Variants in PHYHD1 observed in about 807,000 individuals in gnomAD.
PHYHD1 encodes phytanoyl-CoA dioxygenase domain containing 1, also known as phytanoyl-CoA dioxygenase domain-containing protein 1.
Under a neutral mutation model 43.6 loss-of-function variants are expected in PHYHD1, and 42 were observed. The observed-to-expected ratio is 0.96, with a 90% CI of 0.75 to 1.25. The LOEUF is 1.25. Ranked by LOEUF, PHYHD1 falls within the 50% of genes most tolerant of loss-of-function variation. The pLI, the probability that PHYHD1 is intolerant of heterozygous loss-of-function variation, is 0.00. For missense variants in PHYHD1, 342 were observed against 370.8 expected (o/e 0.92, Z 0.64); for synonymous variants, 139 against 143.6 (o/e 0.97, Z 0.23).
At chr9:128,930,917 C>T (rs1284715065) in intron 4 of PHYHD1, among the ~76,000 whole-genome samples, 1 of 150,114 alleles carries the variant, frequency 6.7e-6, no homozygotes, top group African/African-American at 2.5e-5. Context: ...TCACTGCACT[C>T]CAGCCTGGGC....
intron 2 of PHYHD1, 86 bp downstream of exon 2, chr9:128,922,133 T>G: frequency 3.1e-5 from 18 of 575,296 alleles, no homozygotes; most frequent in East Asian, 6.6e-5. Flanking sequence ...AAATCCTGGA[T>G]TAGTTGTGGG....
At position 128,929,973 on chromosome 9, in the gene PHYHD1, CA is replaced by C. The variant is rs773392942; in HGVS notation, c.192+2791del. ...TGAAACCCTGTCTCTACAAAAAATA[CA>C]AAAAAAAAAAAAATTAGTCGTGGCC... On this transcript the variant is annotated intron_variant, in intron 4 of 12. Coordinates refer to ENST00000372592, the MANE Select transcript of PHYHD1 (RefSeq NM_001100876.2). 4.8e-3 allele frequency among the ~76,000 whole-genome samples: 612 copies of C among 127,230 alleles called. 1 individual carries two copies. The highest frequency in any genetic ancestry group is 0.016 in the South Asian group (63 of 4,020). The allele number at this position is 127,230 out of a possible 152,430, so 83.5% of individuals were successfully genotyped here.
intron 6 of PHYHD1, among the ~76,000 whole-genome samples, chr9:128,935,020 C>G (rs1206522805): frequency 6.6e-6 from 1 of 152,162 alleles, no homozygotes; most frequent in Non-Finnish European, 1.5e-5. Flanking sequence ...GGCACCTGAC[C>G]TGCTGACAGG....
chr9:128,937,924 C>T, intron 9 of PHYHD1, 146 bp downstream of exon 9: 9 of 1,535,392 alleles, frequency 5.9e-6, no homozygotes, highest in South Asian at 1.2e-5. Flanking sequence ...ACCTTCCATT[C>T]CTTCCCCTGA....
intron 3 of PHYHD1, 123 bp from the exon 4 acceptor site, chr9:128,926,915 G>T (rs776179399): frequency 1.6e-5 from 21 of 1,320,286 alleles, no homozygotes; most frequent in Non-Finnish European, 2.2e-5. Flanking sequence ...CCATGCCTGG[G>T]GTTGGGGACA....
rs376314949 is a variant in PHYHD1, at chr9:128,940,104, CT to C, written c.458-261del. Among the ~76,000 whole-genome samples the C allele has an allele frequency of 5.3e-4, 80 of 152,278 alleles. No homozygotes were observed. The East Asian group carries it at 0.014, about 27-fold the overall frequency. On this transcript the variant is annotated intron_variant, in intron 9 of 12. Coordinates refer to ENST00000372592, the MANE Select transcript of PHYHD1 (RefSeq NM_001100876.2). ...CAGTTACATTGTTGGGCCCTAAGCA[CT>C]TTTCATACATCATCTCATAGAATCC...
chr9:128,924,768 C>T lies in PHYHD1; in HGVS notation c.34-2270C>T, dbSNP rs1012324551. Reference sequence around the variant, plus strand: ...TGGCCAACATAGTGAAACCCCATCTCTACTAAAAATACAAAAATTAGCCAG... The same window carrying T: ...TGGCCAACATAGTGAAACCCCATCTTTACTAAAAATACAAAAATTAGCCAG... On this transcript the variant is annotated intron_variant, in intron 3 of 12. Transcript: ENST00000372592. 4.0e-5 allele frequency among the ~76,000 whole-genome samples: 6 copies of T among 150,948 alleles called. No homozygotes were observed. In the East Asian group the frequency reaches 1.2e-3, roughly 30 times the overall value.
chr9:128,927,319 A>G (rs923700920), intron 4 of PHYHD1, 123 bp downstream of exon 4: 1 of 1,180,796 alleles, frequency 8.5e-7, no homozygotes, highest in African/African-American at 1.5e-5. Context: ...AGCCCCTTAC[A>G]CACCTTTCCC....
chr9:128,940,943 C>T (rs923771659), intron 11 of PHYHD1, among the ~76,000 whole-genome samples: 1 of 152,188 alleles, frequency 6.6e-6, no homozygotes, highest in Admixed American at 6.5e-5. Flanking sequence ...TGGGCTGTTT[C>T]TCTGGGCAAA....
At chr9:128,927,826 T>A (rs1001766860) in intron 4 of PHYHD1, among the ~76,000 whole-genome samples, 1 of 152,218 alleles carries the variant, frequency 6.6e-6, no homozygotes, top group African/African-American at 2.4e-5. Context: ...TGTTCTCTGG[T>A]CACCGAAGGC....
At chr9:128,939,661 ATT>A (rs533393185) in intron 9 of PHYHD1, among the ~76,000 whole-genome samples, 1 of 113,508 alleles carries the variant, frequency 8.8e-6, no homozygotes, top group Non-Finnish European at 1.9e-5. Context: ...CAACTTCCCA[ATT>A]TTTTTTTTTG....
intron 3 of PHYHD1, among the ~76,000 whole-genome samples, chr9:128,923,647 T>G (rs998770386): frequency 2.0e-5 from 3 of 152,198 alleles, no homozygotes; most frequent in Non-Finnish European, 2.9e-5. Flanking sequence ...TCAGTGAATA[T>G]CCCCATATGT....
At chr9:128,931,881 C>T (rs1238691098) in intron 4 of PHYHD1, among the ~76,000 whole-genome samples, 2 of 151,238 alleles carry the variant, frequency 1.3e-5, no homozygotes, top group Admixed American at 1.3e-4. Flanking sequence ...GTTGCCCAGA[C>T]TGGAGTGCAA....
chr9:128,933,774 T>TA lies in PHYHD1; in HGVS notation c.193-8_193-7insA. ...CTGTCTCAGTCCTCTGATGTCCCCTTTCCACAGGGCAGCACAGACTATTTC... is the reference window on the plus strand; with the variant it reads ...CTGTCTCAGTCCTCTGATGTCCCCTTATCCACAGGGCAGCACAGACTATTTC... On this transcript the variant is annotated splice_polypyrimidine_tract_variant and splice_region_variant and intron_variant, in intron 4 of 12. Coordinates refer to ENST00000372592, the MANE Select transcript of PHYHD1 (RefSeq NM_001100876.2). The TA allele has an allele frequency of 6.2e-7, 1 of 1,613,806 alleles. No individual in the cohort carries two copies.
Position 128,940,657 on chromosome 9 carries a change from C to A in PHYHD1, c.645C>A (p.Phe215Leu). The change falls in exon 11 of 13, where the codon TTC becomes TTA. Residue 215 changes from phenylalanine (F) to leucine (L), a missense_variant. Transcript: ENST00000372592. The stretch of plus-strand genomic sequence containing the variant: ...TTGGCTCAGCGCCTGGTACCAGCTT[C>A]CTTGGGTCAGAGCCAGCCCGGGATA... ...APVGSAPGTS[F>L]LGSEPARDNS... 1 of 1,614,152 alleles carries A rather than the reference C, an allele frequency of 6.2e-7. No individual in the cohort carries two copies. Among genetic ancestry groups the A allele is most frequent in the Non-Finnish European group, 8.5e-7 (1 of 1,180,040 alleles).
chr9:128,935,763 G>A (rs1480730653), intron 6 of PHYHD1, among the ~76,000 whole-genome samples: 3 of 151,966 alleles, frequency 2.0e-5, no homozygotes, highest in African/African-American at 7.3e-5. Flanking sequence ...TTAGCTGGGC[G>A]TGGTGGCACA....
intron 3 of PHYHD1, among the ~76,000 whole-genome samples, chr9:128,923,308 C>A (rs1403884653): frequency 1.3e-5 from 2 of 152,180 alleles, no homozygotes; most frequent in Non-Finnish European, 2.9e-5. Flanking sequence ...AGCTCCTGGG[C>A]TAAAGCGATC....
chr9:128,927,978 C>G (rs973752811), intron 4 of PHYHD1, among the ~76,000 whole-genome samples: 1 of 152,222 alleles, frequency 6.6e-6, no homozygotes, highest in Non-Finnish European at 1.5e-5. Context: ...GTACAGTTTG[C>G]AATGGGTAAA....
intron 3 of PHYHD1, among the ~76,000 whole-genome samples, chr9:128,925,530 G>C (rs140844058): frequency 8.9e-4 from 136 of 151,964 alleles, no homozygotes; most frequent in Non-Finnish European, 1.6e-3. Context: ...CCAGCAGTAG[G>C]TGACTTTCAG....
Sources: gnomAD v4.1 joint callset for allele counts (sites outside exome capture counted in the v4.1 genomes callset) on GRCh38, gnomAD v4.1.1 for gene constraint, MANE v1.5 for transcripts, NCBI Gene and HGNC (gene_info 2026-07-23, HGNC 2026-07-21) for gene names.